PDE11A: variants seen among roughly 807,000 people sequenced by gnomAD.
The protein encoded by PDE11A is phosphodiesterase 11A, also known as dual 3',5'-cyclic-AMP and -GMP phosphodiesterase 11A.
In PDE11A, 100 loss-of-function variants were observed where a neutral mutation model predicts 100.5. That is an observed-to-expected ratio of 1.00 (90% CI 0.85 to 1.18). PDE11A has a LOEUF of 1.18. PDE11A is among the 50% of genes most tolerant of loss of function. PDE11A has a pLI of 0.00. For missense variants in PDE11A, 1,141 were observed against 1,152.6 expected, an observed-to-expected ratio of 0.99 and a Z score of 0.15; for synonymous variants, 381 against 420.8, an observed-to-expected ratio of 0.91 and a Z score of 1.16.
intron 9 of PDE11A, among the ~76,000 whole-genome samples, chr2:177,803,307 T>TAACAACAACAAC (rs146272694): frequency 4.0e-5 from 6 of 151,030 alleles, no homozygotes; most frequent in African/African-American, 9.7e-5. Context: ...AAAAATCTCC[T>TAACAACAACAAC]AACAACAACA....
At chr2:177,698,212 C>CT (rs1224923627) in intron 14 of PDE11A, among the ~76,000 whole-genome samples, 1 of 152,170 alleles carries the variant, frequency 6.6e-6, no homozygotes, top group African/African-American at 2.4e-5. Flanking sequence ...AGACATCGTT[C>CT]TTGGCACAGT....
intron 4 of PDE11A, among the ~76,000 whole-genome samples, chr2:177,877,137 T>A (rs887877627): frequency 4.1e-5 from 6 of 146,370 alleles, no homozygotes; most frequent in African/African-American, 1.6e-4. Flanking sequence ...GGCAGCAAGT[T>A]AGGGGTGGAA....
intron 2 of PDE11A, among the ~76,000 whole-genome samples, chr2:178,090,033 G>A (rs544837625): frequency 6.6e-6 from 1 of 152,258 alleles, no homozygotes; most frequent in South Asian, 2.1e-4. Context: ...TTGTAACTGG[G>A]GCCCTGAACT....
chr2:177,799,495 G>C lies in PDE11A; in HGVS notation c.1737+17334C>G, dbSNP rs536999456. ...TTCTAAAAAATGATACCTCACGGCT[G>C]ATTCTCCATGTAAGTTCTCCCACTT... On this transcript the variant is annotated intron_variant, in intron 9 of 19. Coordinates refer to ENST00000286063, the MANE Select transcript of PDE11A (RefSeq NM_016953.4). Among the ~76,000 whole-genome samples, 280 of 152,266 alleles carry C rather than the reference G, an allele frequency of 1.8e-3. 1 individual carries two copies. The highest frequency in any genetic ancestry group is 6.4e-3 in the African/African-American group (266 of 41,560).
intron 9 of PDE11A, among the ~76,000 whole-genome samples, chr2:177,785,161 C>G (rs1168277242): frequency 5.9e-5 from 9 of 152,156 alleles, no homozygotes. Context: ...ACCTATGTCT[C>G]AGTTTCCTCA....
chr2:177,916,826 C>T lies in PDE11A; in HGVS notation c.1072-11639G>A, dbSNP rs188790121. Among the ~76,000 whole-genome samples, 150 of 151,912 alleles carry T rather than the reference C, an allele frequency of 9.9e-4. 1 individual carries two copies. Among genetic ancestry groups the T allele is most frequent in the African/African-American group, 3.4e-3 (141 of 41,464 alleles). On this transcript the variant is annotated intron_variant, in intron 2 of 19. Coordinates refer to ENST00000286063, the MANE Select transcript of PDE11A (RefSeq NM_016953.4). ...CAGGGCTGGAGTGCAGTGGCACAATCTCAGCTCACTGCAAGCTCCGCCTCC... is the reference window on the plus strand; with the variant it reads ...CAGGGCTGGAGTGCAGTGGCACAATTTCAGCTCACTGCAAGCTCCGCCTCC...
intron 12 of PDE11A, among the ~76,000 whole-genome samples, chr2:177,715,016 G>A (rs1173661260): frequency 2.0e-5 from 3 of 152,200 alleles, no homozygotes; most frequent in African/African-American, 7.2e-5. Context: ...TGCAGCCCAT[G>A]CCTTTCTTTT....
chr2:177,871,525 AATTATT>A (rs142275376), intron 5 of PDE11A, among the ~76,000 whole-genome samples: 15,251 of 138,112 alleles, frequency 0.11, 915 homozygotes, highest in Non-Finnish European at 0.13. Flanking sequence ...GTCAGTAGTA[AATTATT>A]ATTATTATTA....
intron 4 of PDE11A, among the ~76,000 whole-genome samples, chr2:177,895,270 G>C (rs1297235780): frequency 6.6e-6 from 1 of 152,080 alleles, no homozygotes; most frequent in Non-Finnish European, 1.5e-5. Flanking sequence ...ATGCTATTCT[G>C]GGCCGGGTGC....
chr2:177,908,520 G>A (rs1559001546), intron 2 of PDE11A, among the ~76,000 whole-genome samples: 1 of 152,198 alleles, frequency 6.6e-6, no homozygotes, highest in Non-Finnish European at 1.5e-5. Flanking sequence ...TCTTGGTAGT[G>A]AAAGGGAGGG....
At position 177,646,883 on chromosome 2, in the gene PDE11A, T is replaced by A. The variant is rs564939939; in HGVS notation, c.2646+16983A>T. 8.1e-4 allele frequency among the ~76,000 whole-genome samples: 124 copies of A among 152,342 alleles called. 1 individual carries two copies. Among genetic ancestry groups the A allele is most frequent in the African/African-American group, 3.0e-3 (124 of 41,578 alleles). On this transcript the variant is annotated intron_variant, in intron 19 of 19. Transcript: ENST00000286063. ...AAGGACAGGCAAGCCTAAAGACAGC[T>A]CATGTAAATGGGAGCAAGAACAGTT...
chr2:177,959,686 A>C (rs2085608610), intron 2 of PDE11A, among the ~76,000 whole-genome samples: 2 of 152,184 alleles, frequency 1.3e-5, no homozygotes, highest in South Asian at 4.1e-4. Context: ...GGAATAGGAA[A>C]GGCTTTGGAG....
chr2:178,051,519 A>T (rs2086826569), intron 1 of PDE11A, among the ~76,000 whole-genome samples: 1 of 152,180 alleles, frequency 6.6e-6, no homozygotes, highest in Non-Finnish European at 1.5e-5. Context: ...TTAACCTTAA[A>T]TGTAAATGGG....
At chr2:177,814,141 A>AT (rs2082997136) in intron 9 of PDE11A, among the ~76,000 whole-genome samples, 1 of 152,112 alleles carries the variant, frequency 6.6e-6, no homozygotes, top group South Asian at 2.1e-4. Flanking sequence ...ACTTTGTTAC[A>AT]TAATATATAT....
chr2:178,053,299 C>A (rs575221546), intron 1 of PDE11A, among the ~76,000 whole-genome samples: 1 of 152,080 alleles, frequency 6.6e-6, no homozygotes, highest in South Asian at 2.1e-4. Context: ...AAAAGGCCTT[C>A]GAAAAATTCA....
At chr2:177,724,564 G>C (rs191473969) in intron 12 of PDE11A, among the ~76,000 whole-genome samples, 9 of 152,134 alleles carry the variant, frequency 5.9e-5, no homozygotes, top group Admixed American at 1.3e-4. Context: ...GAGACAATAG[G>C]CTTGGAAAAA....
At chr2:177,979,609 A>ATTTTTTTTT (rs2085854850) in intron 2 of PDE11A, among the ~76,000 whole-genome samples, 13 of 72,540 alleles carry the variant, frequency 1.8e-4, no homozygotes, top group African/African-American at 1.1e-3. Context: ...TCCTCAGATG[A>ATTTTTTTTT]TCTTTTTTTT....
At chr2:177,796,611 T>C (rs770255194) in intron 9 of PDE11A, among the ~76,000 whole-genome samples, 5 of 152,142 alleles carry the variant, frequency 3.3e-5, no homozygotes, top group Non-Finnish European at 5.9e-5. Flanking sequence ...CTGGTTGGAT[T>C]TGGGGTGTGA....
At chr2:178,035,079 A>C (rs555756255) in intron 1 of PDE11A, among the ~76,000 whole-genome samples, 94 of 152,274 alleles carry the variant, frequency 6.2e-4, no homozygotes, top group African/African-American at 2.2e-3. Flanking sequence ...AAAATCAATG[A>C]ATCCAGGAGC....
Sources: gnomAD v4.1 joint callset for allele counts (sites outside exome capture counted in the v4.1 genomes callset) on GRCh38, gnomAD v4.1.1 for gene constraint, MANE v1.5 for transcripts, NCBI Gene and HGNC (gene_info 2026-07-23, HGNC 2026-07-21) for gene names.